The following TSGA10IP variants were observed in gnomAD, a reference collection of about 807,000 sequenced individuals.
TSGA10IP encodes the protein testis-specific protein 10-interacting protein.
In TSGA10IP, 64 loss-of-function variants were observed where a neutral mutation model predicts 63.2. That is an observed-to-expected ratio of 1.01 (90% CI 0.83 to 1.25). TSGA10IP has a LOEUF of 1.25. Ranked by LOEUF, TSGA10IP falls within the 50% of genes most tolerant of loss-of-function variation. The pLI is 0.00. For missense variants in TSGA10IP, 681 were observed against 710.1 expected (o/e 0.96, Z 0.47); for synonymous variants, 316 against 298.3 (o/e 1.06, Z -0.61).
intron 2 of TSGA10IP, 31 bp downstream of exon 2, chr11:65,947,047 G>T (rs369312709): frequency 1.1e-5 from 17 of 1,612,550 alleles, no homozygotes; most frequent in Non-Finnish European, 1.4e-5. Context: ...TCAGGAGGCT[G>T]TTGGGGGTCA....
Position 65,953,649 on chromosome 11 carries a change from C to T in TSGA10IP, c.1234C>T (p.Gln412Ter). ...GCGGCGGGCCCGGACACAGCATGTA[C>T]AGCGGCAGGTGGCCCACTGCCTGGC... Residue 412 changes from glutamine to a stop codon, truncating the protein, a stop_gained, in exon 5 of 8, where the codon CAG becomes TAG. Coordinates refer to ENST00000532620, the Ensembl canonical transcript of TSGA10IP. LOFTEE classifies it high-confidence loss of function. 6.3e-7 allele frequency: 1 copy of T among 1,591,168 alleles called. No homozygotes were observed. The highest frequency in any genetic ancestry group is 8.5e-7 in the Non-Finnish European group (1 of 1,172,750).
intron 5 of TSGA10IP, among the ~76,000 whole-genome samples, chr11:65,954,999 C>A (rs75463728): frequency 6.6e-6 from 1 of 152,162 alleles, no homozygotes; most frequent in Non-Finnish European, 1.5e-5. Flanking sequence ...TGCTCCAACA[C>A]GCATCACATG....
chr11:65,947,341 A>G (rs1854855295), exon 3 of TSGA10IP: 1 of 1,612,090 alleles, frequency 6.2e-7, no homozygotes. Context: ...TGAAGGCGAG[A>G]CAGCAGCTGG....
intron 5 of TSGA10IP, among the ~76,000 whole-genome samples, chr11:65,954,015 A>G (rs923632078): frequency 6.6e-6 from 1 of 152,228 alleles, no homozygotes; most frequent in African/African-American, 2.4e-5. Context: ...CTGATTTCCA[A>G]TGCCAGACAT....
chr11:65,955,139 C>T (rs1305315598), intron 5 of TSGA10IP, among the ~76,000 whole-genome samples: 1 of 152,144 alleles, frequency 6.6e-6, no homozygotes. Flanking sequence ...TAGCTCCCTC[C>T]AAGGCAGGAA....
intron 5 of TSGA10IP, among the ~76,000 whole-genome samples, chr11:65,957,406 G>A (rs1855043381): frequency 6.6e-6 from 1 of 152,184 alleles, no homozygotes; most frequent in African/African-American, 2.4e-5. Context: ...GCCTCGGCCA[G>A]CTCCTGTCAC....
exon 4 of TSGA10IP, chr11:65,948,032 G>A (rs1015050658): frequency 1.3e-6 from 2 of 1,566,420 alleles, no homozygotes; most frequent in African/African-American, 1.4e-5. Flanking sequence ...AGACTTTGAG[G>A]GCTGCCTTCC....
At chr11:65,951,902 T>C (rs1353368224) in intron 4 of TSGA10IP, among the ~76,000 whole-genome samples, 1 of 149,900 alleles carries the variant, frequency 6.7e-6, no homozygotes, top group Non-Finnish European at 1.5e-5. Flanking sequence ...CAGGATGGAG[T>C]GCAGTGGCAT....
At chr11:65,945,941 A>C in intron 1 of TSGA10IP, 119 bp downstream of exon 1, 6 of 1,275,098 alleles carry the variant, frequency 4.7e-6, no homozygotes, top group South Asian at 1.4e-5. Context: ...GATGAAACTC[A>C]GGGAGGCAGG....
chr11:65,947,189 G>A, exon 3 of TSGA10IP: 2 of 1,608,518 alleles, frequency 1.2e-6, no homozygotes, highest in Non-Finnish European at 8.5e-7. Flanking sequence ...TGTCCGGGCT[G>A]TGCTTCAGCC....
intron 4 of TSGA10IP, among the ~76,000 whole-genome samples, chr11:65,952,183 T>C (rs948554023): frequency 3.3e-5 from 5 of 152,188 alleles, no homozygotes; most frequent in Non-Finnish European, 7.3e-5. Flanking sequence ...ATTTGCTTTC[T>C]TGTTACTGAG....
exon 3 of TSGA10IP, chr11:65,947,152 G>C: frequency 6.2e-7 from 1 of 1,611,488 alleles, no homozygotes; most frequent in Non-Finnish European, 8.5e-7. Context: ...TCCCCTTCCA[G>C]TGGGCCTGGG....
chr11:65,947,724 A>G, exon 3 of TSGA10IP: 1 of 1,594,082 alleles, frequency 6.3e-7, no homozygotes, highest in Non-Finnish European at 8.5e-7. Context: ...CCCAGCTTCA[A>G]CAACCTCCGA....
intron 5 of TSGA10IP, among the ~76,000 whole-genome samples, chr11:65,956,079 C>CTTAA (rs1380087290): frequency 6.6e-6 from 1 of 151,804 alleles, no homozygotes; most frequent in Non-Finnish European, 1.5e-5. Flanking sequence ...CCTGCCCTGC[C>CTTAA]TTAAGGCCAC....
intron 5 of TSGA10IP, among the ~76,000 whole-genome samples, chr11:65,956,020 CTTT>C (rs1194107760): frequency 6.6e-6 from 1 of 152,088 alleles, no homozygotes; most frequent in Non-Finnish European, 1.5e-5. Context: ...CGCAGGGCAT[CTTT>C]TTCTGCACCC....
intron 4 of TSGA10IP, among the ~76,000 whole-genome samples, chr11:65,950,842 G>T (rs1211624107): frequency 6.6e-6 from 1 of 152,080 alleles, no homozygotes; most frequent in Admixed American, 6.6e-5. Context: ...GATTACAGGC[G>T]TGAGCCACCA....
exon 5 of TSGA10IP, chr11:65,953,622 C>T (rs1854977971): frequency 1.9e-6 from 3 of 1,586,450 alleles, no homozygotes; most frequent in Non-Finnish European, 2.6e-6. Flanking sequence ...GCAGGCCGAG[C>T]TGCGGCGGGC....
At chr11:65,959,963 C>G (rs1855089741) in exon 8 of TSGA10IP, 1 of 1,611,588 alleles carries the variant, frequency 6.2e-7, no homozygotes, top group Non-Finnish European at 8.5e-7. Context: ...GGCTTTATGG[C>G]AAACACAGTA....
In TSGA10IP at chr11:65,947,645, A is replaced by T. The variant is rs1453598042; in HGVS notation, c.820A>T (p.Lys274Ter). 10 of 1,612,832 alleles carry T rather than the reference A, an allele frequency of 6.2e-6. No homozygotes were observed. Among genetic ancestry groups the T allele is most frequent in the African/African-American group, 2.7e-5 (2 of 74,880 alleles). The change falls in exon 3 of 8, where the codon AAG becomes TAG. Residue 274 changes from lysine to a stop codon, truncating the protein, a stop_gained. Transcript: ENST00000532620. LOFTEE classifies it high-confidence loss of function. The stretch of plus-strand genomic sequence containing the variant: ...CAGAAGGAGGGCTGGTTGTCAGAGA[A>T]AGGGGCAGATTTCTGGAGAGGAAGC...
Sources: allele counts gnomAD v4.1 joint callset (sites outside exome capture counted in the v4.1 genomes callset), GRCh38; gene constraint gnomAD v4.1.1; transcripts MANE v1.5; gene names NCBI Gene and HGNC (gene_info 2026-07-23, HGNC 2026-07-21).